Variants in FMNL3 observed in about 807,000 individuals in gnomAD.
The protein encoded by FMNL3 is formin like 3.
Under a neutral mutation model 119.6 loss-of-function variants are expected in FMNL3, and 57 were observed. The ratio of observed to expected loss-of-function variants is 0.48; its 90% CI spans 0.39 to 0.59. FMNL3 has a LOEUF of 0.59. FMNL3 is among the 20% of genes least tolerant of loss of function. The pLI is 0.00. For synonymous variants in FMNL3, 491 were observed against 507.3 expected (o/e 0.97, Z 0.43); for missense variants, 1,053 against 1,323.5 (o/e 0.80, Z 3.17).
intron 1 of FMNL3, among the ~76,000 whole-genome samples, chr12:49,705,142 A>G (rs1014893040): frequency 1.3e-5 from 2 of 152,130 alleles, no homozygotes; most frequent in Non-Finnish European, 2.9e-5. Flanking sequence ...GAGACAACTA[A>G]CTAGCTCTGG....
rs1241024656 is a variant in FMNL3 at position 49,646,634 on chromosome 12, A to G, written c.2995+252T>C. ...TGCAGAGGGGGCAGCTGCGGTGCCC[A>G]GTACCTGTCGGGCCCCAACCTTGGG... On this transcript the variant is annotated intron_variant, in intron 25 of 25. Coordinates refer to ENST00000335154, the MANE Select transcript of FMNL3 (RefSeq NM_175736.5). 6 of 1,518,894 alleles carry G rather than the reference A, an allele frequency of 4.0e-6. No individual in the cohort carries two copies. In the African/African-American group the frequency reaches 6.9e-5, roughly 17 times the overall value. The allele number at this position is 1,518,894 out of a possible 1,614,324, so 94.1% of individuals were successfully genotyped here.
At chr12:49,676,344 T>C (rs1944184571) in intron 1 of FMNL3, among the ~76,000 whole-genome samples, 2 of 152,170 alleles carry the variant, frequency 1.3e-5, no homozygotes, top group African/African-American at 4.8e-5. Flanking sequence ...ATAACCTTCT[T>C]TTCTCCTTTC....
At chr12:49,701,950 T>C (rs764809455) in intron 1 of FMNL3, among the ~76,000 whole-genome samples, 4 of 151,918 alleles carry the variant, frequency 2.6e-5, no homozygotes, top group Non-Finnish European at 5.9e-5. Context: ...TTACAATTAC[T>C]AGCCTGGGAA....
intron 8 of FMNL3, 90 bp downstream of exon 8, chr12:49,656,733 A>G: frequency 1.5e-6 from 2 of 1,307,434 alleles, no homozygotes; most frequent in East Asian, 2.3e-5. Context: ...CAGGACTCCA[A>G]GGCCAGGCAG....
chr12:49,679,519 C>CTTTTTTT (rs551320921), intron 1 of FMNL3, among the ~76,000 whole-genome samples: 7 of 90,646 alleles, frequency 7.7e-5, no homozygotes, highest in East Asian at 3.2e-4. Flanking sequence ...GCATTTGTGT[C>CTTTTTTT]TTTTTTTTTT....
At chr12:49,666,909 A>G (rs1358241273) in intron 2 of FMNL3, among the ~76,000 whole-genome samples, 1 of 152,224 alleles carries the variant, frequency 6.6e-6, no homozygotes, top group African/African-American at 2.4e-5. Flanking sequence ...GTAGAATCCA[A>G]CTTTCTCAGC....
chr12:49,673,923 G>C (rs1197890246), intron 1 of FMNL3, among the ~76,000 whole-genome samples: 1 of 152,228 alleles, frequency 6.6e-6, no homozygotes, highest in Admixed American at 6.5e-5. Context: ...CAGAGAGTTT[G>C]ATCAAAGGTC....
chr12:49,650,981 T>G, intron 16 of FMNL3, 103 bp from the exon 17 acceptor site: 1 of 1,486,524 alleles, frequency 6.7e-7, no homozygotes, highest in Non-Finnish European at 9.3e-7. Flanking sequence ...CACTCTGGAA[T>G]ATTTCCTGAA....
rs377154240 is a variant in FMNL3 at position 49,642,421 on chromosome 12, G to C, written c.*3394C>G. 27 of 1,603,372 alleles carry C rather than the reference G, an allele frequency of 1.7e-5. No individual in the cohort carries two copies. The Admixed American group carries it at 4.2e-4, about 25-fold the overall frequency. ...AGCACCCCTCAAGCCTGAGGGCAGC[G>C]GTGCTTCACCACTGAGGGCCCACCC... On this transcript the variant is annotated 3_prime_UTR_variant, in exon 26 of 26. Transcript: ENST00000335154. This position sits in a 1 kb window ranked among gnomAD's most constrained non-coding sequence, Gnocchi z 5.8.
intron 1 of FMNL3, among the ~76,000 whole-genome samples, chr12:49,698,809 G>A (rs1406815843): frequency 6.6e-6 from 1 of 152,174 alleles, no homozygotes; most frequent in Non-Finnish European, 1.5e-5. Context: ...GCCCAGAGAG[G>A]CAAAAGAGAG....
At chr12:49,704,750 AAT>A (rs1300774554) in intron 1 of FMNL3, among the ~76,000 whole-genome samples, 1 of 151,404 alleles carries the variant, frequency 6.6e-6, no homozygotes, top group East Asian at 1.9e-4. Context: ...GCTAATCTAT[AAT>A]CTATATTGAG....
intron 22 of FMNL3, 89 bp downstream of exon 22, chr12:49,648,104 T>TAAA: frequency 1.6e-6 from 2 of 1,234,136 alleles, no homozygotes; most frequent in Non-Finnish European, 1.1e-6. Flanking sequence ...CTGCTTGATT[T>TAAA]AAAAAAAAAA....
rs1176360284 is a variant in FMNL3, at chr12:49,647,629, C to CT, written c.2778+73dup. ...GAGGAGGAGTCGGAAAAGGCCCATA[C>CT]TTTAAGCCCAGGCTTCTCTCCCCCA... On this transcript the variant is annotated intron_variant, in intron 23 of 25. Transcript: ENST00000335154. This position sits in a 1 kb window ranked among gnomAD's most constrained non-coding sequence, Gnocchi z 4.9. 2 of 1,382,178 alleles carry CT rather than the reference C, an allele frequency of 1.4e-6. No individual in the cohort carries two copies. Among genetic ancestry groups the CT allele is most frequent in the Non-Finnish European group, 2.0e-6 (2 of 976,494 alleles). The allele number at this position is 1,382,178 out of a possible 1,614,324, so 85.6% of individuals were successfully genotyped here. A position where few individuals can be genotyped will look rare whatever the true frequency, so the allele number is the denominator to read the frequency against.
intron 10 of FMNL3, 61 bp downstream of exon 10, chr12:49,654,849 T>C (rs1377370625): frequency 6.6e-7 from 1 of 1,518,964 alleles, no homozygotes; most frequent in Admixed American, 1.8e-5. Flanking sequence ...TCACCCCTGT[T>C]GTCAAGGAAC....
At chr12:49,694,738 C>T (rs117582416) in intron 1 of FMNL3, among the ~76,000 whole-genome samples, 230 of 152,118 alleles carry the variant, frequency 1.5e-3, no homozygotes, top group Non-Finnish European at 2.8e-3. Flanking sequence ...GGTGAAACCC[C>T]GCCTCTACTA....
chr12:49,702,485 T>C (rs1018077610), intron 1 of FMNL3, among the ~76,000 whole-genome samples: 5 of 152,222 alleles, frequency 3.3e-5, no homozygotes, highest in Non-Finnish European at 7.3e-5. Flanking sequence ...TCTTTAGTCT[T>C]TTCTTCTTTC....
chr12:49,656,384 C>A lies in FMNL3; in HGVS notation c.885+20G>T. 6.2e-7 allele frequency: 1 copy of A among 1,606,188 alleles called. No homozygotes were observed. The highest frequency in any genetic ancestry group is 8.5e-7 in the Non-Finnish European group (1 of 1,174,016). ...TCCCCCGCAAACACACACACACACA[C>A]GCGAAGCGAAAAGACTGACCTCTTT... On this transcript the variant is annotated intron_variant, in intron 9 of 25. Transcript: ENST00000335154.
rs762445434 is a variant in FMNL3, at chr12:49,651,344, G to T, written c.1672+38C>A. On this transcript the variant is annotated intron_variant, in intron 15 of 25. Transcript: ENST00000335154. ...CAGGGGCCAAGGACACACACCCCTG[G>T]TCCCACCAGCCCTGCCCAGAGCCCT... The T allele has an allele frequency of 2.5e-6, 4 of 1,597,272 alleles. No individual in the cohort carries two copies. In the African/African-American group the frequency reaches 5.4e-5, roughly 21 times the overall value.
chr12:49,653,639 C>A, intron 12 of FMNL3, 86 bp downstream of exon 12: 1 of 1,571,702 alleles, frequency 6.4e-7, no homozygotes. Context: ...GGGACTCAAT[C>A]TGGAGGCAAA....
Sources: gnomAD v4.1 joint callset for allele counts (sites outside exome capture counted in the v4.1 genomes callset) on GRCh38, gnomAD v4.1.1 for gene constraint, Gnocchi (gnomAD v3.1) non-coding constraint, MANE v1.5 for transcripts, NCBI Gene and HGNC (gene_info 2026-07-23, HGNC 2026-07-21) for gene names.